Variants in GRID1 observed in about 807,000 individuals in gnomAD.
The protein encoded by GRID1 is glutamate receptor ionotropic, delta-1.
GRID1 carries 28 observed loss-of-function variants against 98.0 expected under a neutral mutation model. The observed-to-expected ratio is 0.29, with a 90% confidence interval of 0.21 to 0.39. The LOEUF is 0.39. Among genes scored for constraint, GRID1 ranks in the 10% least tolerant of loss-of-function variants. The pLI, the probability that GRID1 is intolerant of heterozygous loss-of-function variation, is 1.00. For synonymous variants in GRID1, 553 were observed against 538.5 expected, an observed-to-expected ratio of 1.03 and a Z score of -0.37; for missense variants, 1,111 against 1,340.5, an observed-to-expected ratio of 0.83 and a Z score of 2.67.
At chr10:86,165,327 T>G (rs1170431907) in intron 3 of GRID1, among the ~76,000 whole-genome samples, 1 of 152,188 alleles carries the variant, frequency 6.6e-6, no homozygotes, top group African/African-American at 2.4e-5. Flanking sequence ...TCTATGTTGC[T>G]CGGCGCTCAA....
chr10:85,928,925 G>A (rs917806861), intron 4 of GRID1, among the ~76,000 whole-genome samples: 2 of 152,174 alleles, frequency 1.3e-5, no homozygotes, highest in African/African-American at 4.8e-5. Flanking sequence ...ATCAACCAGG[G>A]AAATATATGT....
chr10:85,973,996 C>T (rs1310233519), intron 4 of GRID1, among the ~76,000 whole-genome samples: 1 of 152,184 alleles, frequency 6.6e-6, no homozygotes, highest in Non-Finnish European at 1.5e-5. Context: ...ACTGGGGAGT[C>T]ACCTGGATGG....
chr10:85,976,697 T>C (rs773168956), intron 4 of GRID1, among the ~76,000 whole-genome samples: 2 of 152,234 alleles, frequency 1.3e-5, no homozygotes, highest in Non-Finnish European at 2.9e-5. Context: ...CCAGTGTCCC[T>C]GCAGCAACCT....
At chr10:85,628,977 A>G (rs928207193) in intron 13 of GRID1, among the ~76,000 whole-genome samples, 1 of 152,166 alleles carries the variant, frequency 6.6e-6, no homozygotes, top group Non-Finnish European at 1.5e-5. Context: ...TGAAAGTCCC[A>G]GAGAGGCGGC....
At chr10:86,061,995 C>T (rs1263691495) in intron 4 of GRID1, among the ~76,000 whole-genome samples, 1 of 152,170 alleles carries the variant, frequency 6.6e-6, no homozygotes, top group Non-Finnish European at 1.5e-5. Flanking sequence ...CTTAGACACC[C>T]CTATGGACAT....
At chr10:85,972,303 A>G (rs1323977062) in intron 4 of GRID1, among the ~76,000 whole-genome samples, 3 of 151,256 alleles carry the variant, frequency 2.0e-5, no homozygotes, top group East Asian at 3.9e-4. Context: ...ATCTAATGTT[A>G]TTTTTACTTG....
intron 3 of GRID1, among the ~76,000 whole-genome samples, chr10:86,168,782 T>C (rs1845438283): frequency 6.6e-6 from 1 of 152,150 alleles, no homozygotes; most frequent in South Asian, 2.1e-4. Context: ...GACCTTCTTC[T>C]AACTCACCCA....
At position 86,352,235 on chromosome 10, in the gene GRID1, G is replaced by C. The variant is rs562443475; in HGVS notation, c.235+11706C>G. ...GCTCATGTGGTCCAAGGCTGGATTT[G>C]AGAAATTTGGGCACTGTAGCCCTAA... On this transcript the variant is annotated intron_variant, in intron 2 of 15. Transcript: ENST00000327946. 2.4e-3 allele frequency among the ~76,000 whole-genome samples: 368 copies of C among 152,328 alleles called. 3 individuals carry two copies. The highest frequency in any genetic ancestry group is 0.014 in the Middle Eastern group (4 of 294).
chr10:85,764,065 T>C (rs1480072330), intron 8 of GRID1, among the ~76,000 whole-genome samples: 1 of 152,162 alleles, frequency 6.6e-6, no homozygotes, highest in Non-Finnish European at 1.5e-5. Flanking sequence ...AGAGATGCGT[T>C]TTCTGCCTGT....
At chr10:85,955,406 A>G (rs1842176491) in intron 4 of GRID1, among the ~76,000 whole-genome samples, 1 of 152,114 alleles carries the variant, frequency 6.6e-6, no homozygotes. Context: ...ACCTGGACGC[A>G]ATGGCCTCCT....
chr10:85,729,675 C>A, intron 8 of GRID1, 61 bp from the exon 9 acceptor site: 1 of 1,015,260 alleles, frequency 9.8e-7, no homozygotes, highest in South Asian at 1.4e-5. Flanking sequence ...ACCATAGGAC[C>A]TCGGCTCCTA....
intron 2 of GRID1, among the ~76,000 whole-genome samples, chr10:86,214,762 G>A (rs574468046): frequency 3.9e-4 from 59 of 152,278 alleles, no homozygotes; most frequent in African/African-American, 1.3e-3. Context: ...CCAGCTACTC[G>A]GAAGCCCAAG....
At chr10:86,130,698 T>C (rs1844822176) in intron 4 of GRID1, among the ~76,000 whole-genome samples, 2 of 152,200 alleles carry the variant, frequency 1.3e-5, no homozygotes, top group Non-Finnish European at 2.9e-5. Context: ...ATCCCCTGCA[T>C]TTACCATCCT....
rs1841268436 is a variant in GRID1, at chr10:85,895,015, A to AT, written c.780+21170_780+21171insA. On this transcript the variant is annotated intron_variant, in intron 5 of 15. Coordinates refer to ENST00000327946, the MANE Select transcript of GRID1 (RefSeq NM_017551.3). ...ACTGGGACTCTCAAAAAAAAAAAAA[A>AT]AATATATATATATATATATATATAT... Among the ~76,000 whole-genome samples the AT allele has an allele frequency of 5.7e-3, 693 of 122,592 alleles. 2 individuals carry two copies. The highest frequency in any genetic ancestry group is 0.017 in the Middle Eastern group (4 of 238). The allele number at this position is 122,592 out of a possible 152,430, so 80.4% of individuals were successfully genotyped here.
In GRID1 at chr10:85,812,410, A is replaced by C. The variant is rs1031829579; in HGVS notation, c.1233+42086T>G. ...TAACCTGTGGAAATGTGCTTCAAAA[A>C]ATGATGATCAGGGTGTATGTACAAA... On this transcript the variant is annotated intron_variant, in intron 8 of 15. Coordinates refer to ENST00000327946, the MANE Select transcript of GRID1 (RefSeq NM_017551.3). Among the ~76,000 whole-genome samples, 5 of 152,312 alleles carry C rather than the reference A, an allele frequency of 3.3e-5. No homozygotes were observed. In the East Asian group the frequency reaches 5.8e-4, roughly 18 times the overall value.
chr10:86,158,367 G>A (rs1391551629), intron 3 of GRID1, among the ~76,000 whole-genome samples: 1 of 152,206 alleles, frequency 6.6e-6, no homozygotes, highest in Non-Finnish European at 1.5e-5. Context: ...ATTTGTGGAG[G>A]TGCCCAGTGA....
intron 3 of GRID1, among the ~76,000 whole-genome samples, chr10:86,186,345 T>C (rs1232590284): frequency 1.3e-5 from 2 of 152,234 alleles, no homozygotes; most frequent in Non-Finnish European, 1.5e-5. Context: ...TTATCAATTT[T>C]ATCTTCATGA....
chr10:85,642,192 A>G (rs1843128718), intron 13 of GRID1, among the ~76,000 whole-genome samples: 1 of 152,250 alleles, frequency 6.6e-6, no homozygotes, highest in Non-Finnish European at 1.5e-5. Flanking sequence ...GAAAGCAGCC[A>G]TAAACAGCAT....
chr10:85,754,009 C>A (rs986368002), intron 8 of GRID1, among the ~76,000 whole-genome samples: 23 of 152,110 alleles, frequency 1.5e-4, no homozygotes, highest in African/African-American at 3.6e-4. Flanking sequence ...AGCTTAAATT[C>A]TTTTCTTAAG....
Sources: allele counts gnomAD v4.1 joint callset (sites outside exome capture counted in the v4.1 genomes callset), GRCh38; gene constraint gnomAD v4.1.1; transcripts MANE v1.5; gene names NCBI Gene and HGNC (gene_info 2026-07-23, HGNC 2026-07-21).